DDX42: variants seen among roughly 807,000 people sequenced by gnomAD.
DDX42 encodes the protein DEAD-box helicase 42, also known as ATP-dependent RNA helicase DDX42.
DDX42 carries 22 observed loss-of-function variants against 101.5 expected under a neutral mutation model. The observed-to-expected ratio is 0.22, with a 90% confidence interval of 0.15 to 0.31. The LOEUF (loss-of-function observed/expected upper bound fraction) is 0.31, where lower values mean the gene tolerates loss of function less well. DDX42 is among the 10% of genes least tolerant of loss of function. DDX42 has a pLI of 1.00. For missense variants in DDX42, 849 were observed against 1,199.9 expected (o/e 0.71, Z 4.32); for synonymous variants, 402 against 401.2 (o/e 1.00, Z -0.02).
At chr17:63,810,460 C>A (rs1367373164) in intron 11 of DDX42, 53 bp from the exon 12 acceptor site, 3 of 1,582,660 alleles carry the variant, frequency 1.9e-6, no homozygotes, top group Non-Finnish European at 2.6e-6. Flanking sequence ...TTTTTCCAGG[C>A]TTCCCAAACT....
chr17:63,776,327 G>A (rs957599463), intron 1 of DDX42: 4 of 152,218 alleles, frequency 2.6e-5, no homozygotes, highest in South Asian at 2.1e-4. Flanking sequence ...GAATGTCTTC[G>A]TCTGCACGTC....
At chr17:63,794,012 C>G (rs1433909370) in intron 3 of DDX42, among the ~76,000 whole-genome samples, 1 of 152,086 alleles carries the variant, frequency 6.6e-6, no homozygotes, top group Non-Finnish European at 1.5e-5. Context: ...GAAGGTCTAG[C>G]TGTTTCCCAT....
chr17:63,805,200 C>A, intron 7 of DDX42, 25 bp downstream of exon 7: 2 of 1,603,780 alleles, frequency 1.2e-6, no homozygotes, highest in South Asian at 2.3e-5. Flanking sequence ...GCTCAATATT[C>A]TTAATATTAA....
chr17:63,810,153 C>T (rs1053183453), intron 11 of DDX42: 5 of 209,122 alleles, frequency 2.4e-5, no homozygotes, highest in South Asian at 1.0e-4. Context: ...TGCAGCGGTG[C>T]GATCTCACTG....
chr17:63,818,652 T>C lies in DDX42; in HGVS notation c.*254T>C, dbSNP rs1598346949. On this transcript the variant is annotated 3_prime_UTR_variant, in exon 18 of 18. Coordinates refer to ENST00000389924, the MANE Select transcript of DDX42 (RefSeq NM_203499.3). ...CTAGGTGAGTTGTCATGTGGGTAAG[T>C]TGAGGTTATCTTGGGATAAAGGGTC... 2.1e-5 allele frequency: 9 copies of C among 436,466 alleles called. No individual in the cohort carries two copies. The East Asian group carries it at 3.1e-4, about 15-fold the overall frequency. 27.0% of individuals were successfully genotyped at this position (436,466 alleles called of 1,614,324 possible).
At chr17:63,782,358 CA>C (rs754472704) in intron 1 of DDX42, among the ~76,000 whole-genome samples, 46 of 152,184 alleles carry the variant, frequency 3.0e-4, no homozygotes, top group Non-Finnish European at 6.5e-4. Flanking sequence ...TCAGTAACCT[CA>C]AATGCAAATG....
chr17:63,776,949 C>T (rs2039428485), intron 1 of DDX42, among the ~76,000 whole-genome samples: 1 of 152,136 alleles, frequency 6.6e-6, no homozygotes, highest in Admixed American at 6.6e-5. Flanking sequence ...TGCTGTGTTG[C>T]CCAGGTTGGA....
At chr17:63,785,358 G>C (rs1308786587) in intron 1 of DDX42, among the ~76,000 whole-genome samples, 2 of 152,098 alleles carry the variant, frequency 1.3e-5, no homozygotes, top group African/African-American at 4.8e-5. Context: ...GCTGAGGCAT[G>C]AGAATCACTT....
rs141481953 is a variant in DDX42, at chr17:63,787,922, T to TTTG, written c.221+652_221+653insTTG. Among the ~76,000 whole-genome samples the TTTG allele has an allele frequency of 3.7e-3, 530 of 144,078 alleles. 8 individuals carry two copies. Among genetic ancestry groups the TTTG allele is most frequent in the African/African-American group, 8.4e-3 (324 of 38,416 alleles). 94.5% of individuals were successfully genotyped at this position (144,078 alleles called of 152,430 possible). ...TTCATGTGGTTTTTTTTTTTTTTTTTGGAGGCAGAGTTTTGCTCGTCACCC... is the reference window on the plus strand; with the variant it reads ...TTCATGTGGTTTTTTTTTTTTTTTTTTTGGGAGGCAGAGTTTTGCTCGTCACCC... On this transcript the variant is annotated intron_variant, in intron 2 of 17. Transcript: ENST00000389924.
Position 63,784,325 on chromosome 17 carries a change from A to G in DDX42, c.-16-2709A>G, listed in dbSNP as rs187284911. On this transcript the variant is annotated intron_variant, in intron 1 of 17. Coordinates refer to ENST00000389924, the MANE Select transcript of DDX42 (RefSeq NM_203499.3). ...TAATGGTAAACAAAATAAAAATCAA[A>G]TAGCTGCTGTTAACATTTTGATAAA... Among the ~76,000 whole-genome samples, 23 of 152,362 alleles carry G rather than the reference A, an allele frequency of 1.5e-4. No homozygotes were observed. In the East Asian group the frequency reaches 1.5e-3, roughly 10 times the overall value.
chr17:63,784,221 A>G (rs2039520988), intron 1 of DDX42, among the ~76,000 whole-genome samples: 1 of 152,230 alleles, frequency 6.6e-6, no homozygotes, highest in Admixed American at 6.5e-5. Flanking sequence ...TATAATAAAC[A>G]GTTTTTGGAA....
chr17:63,803,419 G>C (rs560257825), intron 6 of DDX42, among the ~76,000 whole-genome samples: 2 of 151,550 alleles, frequency 1.3e-5, no homozygotes, highest in African/African-American at 4.8e-5. Flanking sequence ...TGAAACCCCC[G>C]TCTTTGGGAT....
chr17:63,814,931 C>T (rs1026920919), intron 15 of DDX42, among the ~76,000 whole-genome samples: 5 of 152,134 alleles, frequency 3.3e-5, no homozygotes, highest in African/African-American at 9.7e-5. Context: ...TCAAGTGATC[C>T]GCCCACCTCG....
At position 63,792,682 on chromosome 17, in the gene DDX42, A is replaced by C. The variant is rs2039643092; in HGVS notation, c.372+120A>C. 9.0e-6 allele frequency: 10 copies of C among 1,113,554 alleles called. No homozygotes were observed. In the East Asian group the frequency reaches 1.4e-4, roughly 15 times the overall value. 69.0% of individuals were successfully genotyped at this position (1,113,554 alleles called of 1,614,324 possible). On this transcript the variant is annotated intron_variant, in intron 3 of 17. Coordinates refer to ENST00000389924, the MANE Select transcript of DDX42 (RefSeq NM_203499.3). ...TCTTATTATTTTTTTTTTTTTGAGA[A>C]TTTTGCTCCAGTAGTCTATAGTTGC...
At chr17:63,810,930 C>A in intron 12 of DDX42, 146 bp from the exon 13 acceptor site, 2 of 650,688 alleles carry the variant, frequency 3.1e-6, no homozygotes, top group South Asian at 2.0e-5. Context: ...GCAAATCTTT[C>A]CCTAGTGAAT....
chr17:63,791,452 C>T (rs889516372), intron 2 of DDX42, among the ~76,000 whole-genome samples: 2 of 152,178 alleles, frequency 1.3e-5, no homozygotes, highest in South Asian at 2.1e-4. Context: ...GCTGGGATTA[C>T]GGGCATGTGC....
chr17:63,803,078 G>T (rs753112468), intron 6 of DDX42, among the ~76,000 whole-genome samples: 3 of 152,126 alleles, frequency 2.0e-5, no homozygotes. Flanking sequence ...ACATTTGGAT[G>T]ATCTGTATAT....
rs957048519 is a variant in DDX42 at position 63,811,084 on chromosome 17, T to C, written c.1309T>C (p.Phe437Leu). ...TTTATCTTACCTTTTAGCTCTCTTA[T>C]TTAGTGCAACTTTTCGGAAGAAGAT... ...HVRPDRQTLL[F>L]SATFRKKIEK... The change falls in exon 13 of 18, where the codon TTT becomes CTT. Residue 437 changes from phenylalanine (F) to leucine (L), a missense_variant. By Grantham distance (22) the Phe-to-Leu change is conservative (BLOSUM62 0). Around this residue, in one of 5 missense-constraint regions of DDX42, gnomAD observed 370 missense variants for 608.8 expected, o/e 0.61. Coordinates refer to ENST00000389924, the MANE Select transcript of DDX42 (RefSeq NM_203499.3). The C allele has an allele frequency of 6.2e-6, 10 of 1,613,776 alleles. No individual in the cohort carries two copies. The highest frequency in any genetic ancestry group is 2.2e-5 in the East Asian group (1 of 44,878).
intron 1 of DDX42, among the ~76,000 whole-genome samples, chr17:63,784,897 C>T (rs985985307): frequency 2.0e-5 from 3 of 152,064 alleles, no homozygotes; most frequent in African/African-American, 4.8e-5. Context: ...TGTTTTGCAA[C>T]ATTGTGTTAC....
Sources: allele counts gnomAD v4.1 joint callset (sites outside exome capture counted in the v4.1 genomes callset), GRCh38; gene constraint gnomAD v4.1.1; regional missense constraint gnomAD v4.1.1; transcripts MANE v1.5; gene names NCBI Gene and HGNC (gene_info 2026-07-23, HGNC 2026-07-21).